Variants in RABGAP1L observed in about 807,000 individuals in gnomAD.
RABGAP1L encodes the protein RAB GTPase activating protein 1 like, also known as rab GTPase-activating protein 1-like.
A neutral mutation model predicts 137.7 loss-of-function variants in RABGAP1L; 63 were observed. The ratio of observed to expected loss-of-function variants is 0.46; its 90% confidence interval spans 0.37 to 0.56. The LOEUF is 0.56. Among genes scored for constraint, RABGAP1L ranks in the 20% least tolerant of loss-of-function variants. The pLI is 0.00. For missense variants in RABGAP1L, 1,095 were observed against 1,244.0 expected (o/e 0.88, Z 1.80); for synonymous variants, 431 against 433.7 (o/e 0.99, Z 0.08).
intron 13 of RABGAP1L, among the ~76,000 whole-genome samples, chr1:174,618,987 A>T (rs537563599): frequency 1.6e-4 from 24 of 152,388 alleles, no homozygotes; most frequent in Non-Finnish European, 3.1e-4. Flanking sequence ...GAACTACGTG[A>T]CGAATGCACA....
At chr1:174,931,659 A>G (rs898482858) in intron 19 of RABGAP1L, among the ~76,000 whole-genome samples, 5 of 152,352 alleles carry the variant, frequency 3.3e-5, no homozygotes, top group Non-Finnish European at 5.9e-5. Context: ...AAGTTCAGTT[A>G]TAAAATAAAC....
rs71117584 is a variant in RABGAP1L, at chr1:174,854,715, C to CTTTTTTTTTTTTTTTTTT, written c.2340+42783_2340+42800dup. On this transcript the variant is annotated intron_variant, in intron 19 of 25. Coordinates refer to ENST00000681986, the MANE Select transcript of RABGAP1L (RefSeq NM_001366446.1). ...AACTGCAATAGACTCAATATAAATGCTTTTTTTTTTTTTTTTTTTTTTTTT... is the reference window on the plus strand; with the variant it reads ...AACTGCAATAGACTCAATATAAATGCTTTTTTTTTTTTTTTTTTTTTTTTTTTTTTTTTTTTTTTTTTT... Among the ~76,000 whole-genome samples the CTTTTTTTTTTTTTTTTTT allele has an allele frequency of 3.3e-4, 19 of 56,868 alleles. 5 individuals are homozygous for CTTTTTTTTTTTTTTTTTT. Among genetic ancestry groups the CTTTTTTTTTTTTTTTTTT allele is most frequent in the Non-Finnish European group, 5.1e-4 (15 of 29,354 alleles). The allele number at this position is 56,868 out of a possible 152,430, so 37.3% of individuals were successfully genotyped here.
intron 7 of RABGAP1L, among the ~76,000 whole-genome samples, chr1:174,254,081 C>T (rs1672924438): frequency 6.6e-6 from 1 of 151,796 alleles, no homozygotes; most frequent in African/African-American, 2.4e-5. Context: ...AGGTATCTGG[C>T]CCCCAGTTAT....
intron 13 of RABGAP1L, among the ~76,000 whole-genome samples, chr1:174,420,981 A>C (rs539255267): frequency 6.6e-6 from 1 of 151,950 alleles, no homozygotes; most frequent in Non-Finnish European, 1.5e-5. Flanking sequence ...GGCTGGATTC[A>C]GGTTTTATAG....
chr1:174,366,232 C>T (rs1040928013), intron 11 of RABGAP1L, among the ~76,000 whole-genome samples: 29 of 152,206 alleles, frequency 1.9e-4, no homozygotes, highest in African/African-American at 6.5e-4. Context: ...ACACTAGACT[C>T]AAGACTACAC....
At chr1:174,764,434 G>A (rs947943000) in intron 18 of RABGAP1L, among the ~76,000 whole-genome samples, 7 of 152,182 alleles carry the variant, frequency 4.6e-5, no homozygotes, top group African/African-American at 1.7e-4. Context: ...CAACGTATAA[G>A]TATGTTGTAA....
intron 13 of RABGAP1L, among the ~76,000 whole-genome samples, chr1:174,620,685 A>G (rs1672369842): frequency 6.6e-6 from 1 of 152,194 alleles, no homozygotes; most frequent in Admixed American, 6.5e-5. Context: ...GAAAGCAGGA[A>G]AGATCTAAAA....
intron 1 of RABGAP1L, among the ~76,000 whole-genome samples, chr1:174,160,866 T>G (rs373413552): frequency 1.0e-3 from 159 of 152,338 alleles, no homozygotes; most frequent in African/African-American, 3.6e-3. Context: ...AGTTTGCTTT[T>G]TGTGATCACA....
chr1:174,309,891 A>T (rs1678657421), intron 11 of RABGAP1L, among the ~76,000 whole-genome samples: 1 of 151,994 alleles, frequency 6.6e-6, no homozygotes, highest in Admixed American at 6.6e-5. Context: ...GATTGGAATT[A>T]CTCTGTTCTC....
rs547366042 is a variant in RABGAP1L at position 174,636,093 on chromosome 1, T to C, written c.1711-1282T>C. On this transcript the variant is annotated intron_variant, in intron 13 of 25. Transcript: ENST00000681986. ...TGCTATAAGTAGCCCCATACTATTT[T>C]CTTGACATTTAAAAAGATAAACATT... is the stretch of plus-strand genomic sequence containing the variant. Among the ~76,000 whole-genome samples, 192 of 152,310 alleles carry C rather than the reference T, an allele frequency of 1.3e-3. 2 individuals carry two copies. Among genetic ancestry groups the C allele is most frequent in the Non-Finnish European group, 8.1e-4 (55 of 68,030 alleles).
chr1:174,846,676 TGTG>T (rs1405389354), intron 19 of RABGAP1L, among the ~76,000 whole-genome samples: 5 of 76,486 alleles, frequency 6.5e-5, no homozygotes, highest in African/African-American at 1.6e-4. Flanking sequence ...ATAGGTGTGG[TGTG>T]GTGCTGAAAA....
In RABGAP1L at chr1:174,444,818, C is replaced by T. The variant is rs1391008691; in HGVS notation, c.1710+50673C>T. 2.0e-5 allele frequency among the ~76,000 whole-genome samples: 3 copies of T among 151,818 alleles called. No individual in the cohort carries two copies. In the East Asian group the frequency reaches 5.8e-4, roughly 29 times the overall value. On this transcript the variant is annotated intron_variant, in intron 13 of 25. Transcript: ENST00000681986. ...CATCTTTGATTTTATTTATTTGAGT[C>T]TTCTTTCTTTTTTGCTTAGTCTAGC...
At chr1:174,575,017 G>A (rs1486823641) in intron 13 of RABGAP1L, among the ~76,000 whole-genome samples, 1 of 152,082 alleles carries the variant, frequency 6.6e-6, no homozygotes, top group African/African-American at 2.4e-5. Flanking sequence ...TGCAACCTCC[G>A]CCTCCCAGGT....
At position 174,476,236 on chromosome 1, in the gene RABGAP1L, A is replaced by G. The variant is rs563715243; in HGVS notation, c.1710+82091A>G. Among the ~76,000 whole-genome samples, 15 of 152,332 alleles carry G rather than the reference A, an allele frequency of 9.8e-5. No individual in the cohort carries two copies. In the East Asian group the frequency reaches 1.7e-3, roughly 18 times the overall value. On this transcript the variant is annotated intron_variant, in intron 13 of 25. Coordinates refer to ENST00000681986, the MANE Select transcript of RABGAP1L (RefSeq NM_001366446.1). ...AATGTAAAACTATCAAATGCTCTGA[A>G]AAATTAATGTTGCCTATGCTATTTT...
intron 13 of RABGAP1L, among the ~76,000 whole-genome samples, chr1:174,570,899 G>A (rs1197542349): frequency 6.6e-6 from 1 of 152,102 alleles, no homozygotes; most frequent in Non-Finnish European, 1.5e-5. Context: ...GCCATATGAT[G>A]CACCAATTCC....
At chr1:174,694,883 A>G (rs1679134161) in intron 15 of RABGAP1L, among the ~76,000 whole-genome samples, 1 of 151,366 alleles carries the variant, frequency 6.6e-6, no homozygotes, top group Non-Finnish European at 1.5e-5. Flanking sequence ...CTTTTTAATG[A>G]TTGCCATTCT....
intron 18 of RABGAP1L, among the ~76,000 whole-genome samples, chr1:174,772,226 AT>A (rs1293740020): frequency 2.6e-5 from 4 of 151,942 alleles, no homozygotes; most frequent in African/African-American, 7.2e-5. Flanking sequence ...ACAAAAAAAA[AT>A]AACTAATCTT....
chr1:174,799,975 CACACT>C, intron 18 of RABGAP1L: 1 of 972,450 alleles, frequency 1.0e-6, no homozygotes, highest in African/African-American at 1.8e-5. Context: ...CACACACACA[CACACT>C]CTCACACATT....
chr1:174,828,785 A>G (rs1691832107), intron 19 of RABGAP1L, among the ~76,000 whole-genome samples: 1 of 148,042 alleles, frequency 6.8e-6, no homozygotes, highest in South Asian at 2.2e-4. Flanking sequence ...GCTGTTATTT[A>G]TTCTGACTCT....
Sources: allele counts gnomAD v4.1 joint callset (sites outside exome capture counted in the v4.1 genomes callset), GRCh38; gene constraint gnomAD v4.1.1; transcripts MANE v1.5; gene names NCBI Gene and HGNC (gene_info 2026-07-23, HGNC 2026-07-21).